The following LRIG2 variants were observed in gnomAD, a reference collection of about 807,000 sequenced individuals.
The protein encoded by LRIG2 is leucine-rich repeats and immunoglobulin-like domains protein 2.
A neutral mutation model predicts 107.8 loss-of-function variants in LRIG2; 93 were observed. The observed-to-expected ratio is 0.86, with a 90% CI of 0.73 to 1.03. LRIG2 has a LOEUF of 1.03. Ranked by LOEUF, LRIG2 falls within the 50% of genes least tolerant of loss-of-function variation. LRIG2 has a pLI of 0.00. For synonymous variants in LRIG2, 471 were observed against 470.6 expected, an observed-to-expected ratio of 1.00 and a Z score of -0.01; for missense variants, 1,226 against 1,296.0, an observed-to-expected ratio of 0.95 and a Z score of 0.83.
intron 1 of LRIG2, among the ~76,000 whole-genome samples, chr1:113,090,226 T>G (rs1653742617): frequency 6.6e-6 from 1 of 152,206 alleles, no homozygotes; most frequent in South Asian, 2.1e-4. Flanking sequence ...TAAATTGTTG[T>G]GTCATTTCTG....
chr1:113,080,828 C>G (rs749904204), intron 1 of LRIG2, among the ~76,000 whole-genome samples: 1 of 144,162 alleles, frequency 6.9e-6, no homozygotes, highest in Non-Finnish European at 1.5e-5. Context: ...AATATGGGAA[C>G]ACTAAAAGTT....
intron 1 of LRIG2, among the ~76,000 whole-genome samples, chr1:113,079,753 T>TG (rs1470277081): frequency 1.3e-5 from 2 of 150,414 alleles, no homozygotes; most frequent in African/African-American, 4.9e-5. Context: ...TTTTTTTTTT[T>TG]TTTTTTGAGG....
Position 113,114,419 on chromosome 1 carries a change from C to A in LRIG2, c.2081-8C>A. 6.6e-7 allele frequency: 1 copy of A among 1,522,532 alleles called. No individual in the cohort carries two copies. Among genetic ancestry groups the A allele is most frequent in the Non-Finnish European group, 8.8e-7 (1 of 1,131,468 alleles). 94.3% of individuals were successfully genotyped at this position (1,522,532 alleles called of 1,614,324 possible). A position where few individuals can be genotyped will look rare whatever the true frequency, so the allele number is the denominator to read the frequency against. On this transcript the variant is annotated splice_polypyrimidine_tract_variant and splice_region_variant and intron_variant, in intron 14 of 17. Coordinates refer to ENST00000361127, the MANE Select transcript of LRIG2 (RefSeq NM_014813.3). ...TCATTTTTTTTTTTTTTAATGTTTT[C>A]CTGTTAGAGACACCCTCATTTATTA...
At chr1:113,108,568 T>A (rs375752814) in intron 12 of LRIG2, among the ~76,000 whole-genome samples, 1 of 151,218 alleles carries the variant, frequency 6.6e-6, no homozygotes, top group African/African-American at 2.4e-5. Context: ...ATTTGGAAAA[T>A]TTTCCTTTAC....
intron 2 of LRIG2, among the ~76,000 whole-genome samples, chr1:113,092,350 G>A (rs7548759): frequency 0.045 from 6,899 of 152,236 alleles, 530 homozygotes; most frequent in African/African-American, 0.16. Flanking sequence ...GAGACAAACT[G>A]TTTAAAGGGC....
intron 1 of LRIG2, among the ~76,000 whole-genome samples, chr1:113,087,819 C>G (rs1653627479): frequency 6.6e-6 from 1 of 152,142 alleles, no homozygotes; most frequent in Admixed American, 6.6e-5. Context: ...TACCCATTTG[C>G]AGTAAAGGAG....
chr1:113,091,985 C>CAGAA (rs2101032610), intron 2 of LRIG2, among the ~76,000 whole-genome samples: 1 of 152,332 alleles, frequency 6.6e-6, no homozygotes, highest in African/African-American at 2.4e-5. Flanking sequence ...TTAACACCAT[C>CAGAA]AGAACCCTGA....
At chr1:113,116,655 G>A (rs1408110451) in intron 16 of LRIG2, among the ~76,000 whole-genome samples, 2 of 152,204 alleles carry the variant, frequency 1.3e-5, no homozygotes, top group African/African-American at 2.4e-5. Flanking sequence ...AGAGATCAGA[G>A]TACACAGCAG....
intron 12 of LRIG2, 95 bp downstream of exon 12, chr1:113,107,852 T>G: frequency 9.2e-7 from 1 of 1,088,326 alleles, no homozygotes; most frequent in Non-Finnish European, 1.3e-6. Context: ...ACTAGGAATT[T>G]TTGTAATCAT....
At chr1:113,120,580 G>A (rs538255380) in intron 17 of LRIG2, among the ~76,000 whole-genome samples, 17 of 147,856 alleles carry the variant, frequency 1.1e-4, no homozygotes, top group African/African-American at 4.3e-4. Context: ...ATGCCATCTC[G>A]GCTTACCAGG....
At chr1:113,123,049 G>A (rs1042394631) in intron 17 of LRIG2, among the ~76,000 whole-genome samples, 3 of 152,296 alleles carry the variant, frequency 2.0e-5, no homozygotes, top group African/African-American at 7.2e-5. Context: ...AAACCAGTGT[G>A]CAGATAATCT....
At chr1:113,078,604 C>G (rs1653102056) in intron 1 of LRIG2, among the ~76,000 whole-genome samples, 1 of 151,652 alleles carries the variant, frequency 6.6e-6, no homozygotes, top group Non-Finnish European at 1.5e-5. Flanking sequence ...TATTTCCTTC[C>G]TAAAGGGGCA....
chr1:113,127,953 T>A lies in LRIG2; in HGVS notation c.*3852T>A, dbSNP rs1339895332. ...GCTTTAGGTAAATAACTTCACACTC[T>A]AATGCAATGTAATTCTTTCTTTGTG... On this transcript the variant is annotated 3_prime_UTR_variant, in exon 18 of 18. Transcript: ENST00000361127. 6.6e-6 allele frequency: 1 copy of A among 151,240 alleles called. No individual in the cohort carries two copies. The highest frequency in any genetic ancestry group is 1.5e-5 in the Non-Finnish European group (1 of 68,002). 9.4% of individuals were successfully genotyped at this position (151,240 alleles called of 1,614,324 possible).
intron 15 of LRIG2, among the ~76,000 whole-genome samples, chr1:113,115,124 T>G (rs1443672299): frequency 6.6e-6 from 1 of 152,204 alleles, no homozygotes; most frequent in Non-Finnish European, 1.5e-5. Flanking sequence ...TGATATGTGA[T>G]AGAAGGGAGT....
At chr1:113,100,116 C>A in intron 9 of LRIG2, 95 bp from the exon 10 acceptor site, 1 of 642,532 alleles carries the variant, frequency 1.6e-6, no homozygotes, top group Non-Finnish European at 2.6e-6. Context: ...TAAAAAAGTA[C>A]GCTACGCTTA....
intron 1 of LRIG2, among the ~76,000 whole-genome samples, chr1:113,081,558 C>T (rs115011724): frequency 0.022 from 3,347 of 152,102 alleles, 113 homozygotes; most frequent in East Asian, 0.13. Flanking sequence ...CTCTTGACCT[C>T]GTGATTGGCT....
intron 8 of LRIG2, among the ~76,000 whole-genome samples, chr1:113,096,845 A>C (rs766538525): frequency 2.8e-4 from 42 of 152,184 alleles, no homozygotes; most frequent in Admixed American, 8.5e-4. Context: ...GGTACTTTCA[A>C]ATACTAGGAT....
intron 1 of LRIG2, 64 bp from the exon 2 acceptor site, chr1:113,091,250 GTTTC>G: frequency 9.3e-7 from 1 of 1,075,336 alleles, no homozygotes; most frequent in Non-Finnish European, 1.4e-6. Context: ...TTTCTATTTA[GTTTC>G]TTTTTTTTTC....
intron 1 of LRIG2, among the ~76,000 whole-genome samples, chr1:113,080,641 G>A (rs1363349680): frequency 6.6e-6 from 1 of 152,024 alleles, no homozygotes; most frequent in Non-Finnish European, 1.5e-5. Context: ...GCCTCCCAAA[G>A]TGCTGGGATT....
Sources: allele counts gnomAD v4.1 joint callset (sites outside exome capture counted in the v4.1 genomes callset), GRCh38; gene constraint gnomAD v4.1.1; transcripts MANE v1.5; gene names NCBI Gene and HGNC (gene_info 2026-07-23, HGNC 2026-07-21).